ATG2A: variants seen among roughly 807,000 people sequenced by gnomAD.
ATG2A encodes the protein autophagy related 2A, also known as autophagy-related protein 2 homolog A.
A neutral mutation model predicts 214.2 loss-of-function variants in ATG2A; 103 were observed. The ratio of observed to expected loss-of-function variants is 0.48; its 90% CI spans 0.41 to 0.57. The LOEUF (loss-of-function observed/expected upper bound fraction) is 0.57. ATG2A is among the 20% of genes least tolerant of loss of function. ATG2A has a pLI of 0.00. For synonymous variants in ATG2A, 1,160 were observed against 1,142.1 expected (o/e 1.02, Z -0.32); for missense variants, 2,312 against 2,613.2 (o/e 0.88, Z 2.51).
Position 64,906,193 on chromosome 11 carries a change from C to T in ATG2A, c.3184G>A (p.Glu1062Lys). Residue 1062 changes from glutamate (E) to lysine (K), a missense_variant and splice_region_variant, in exon 22 of 41, where the codon GAG becomes AAG. Coordinates refer to ENST00000377264, the MANE Select transcript of ATG2A (RefSeq NM_015104.3). ...TGCAACCGCAGTGTCACCAGGAACT[C>T]CTGAGGGTGGGGGCGCAGTCAGGGC... Reference protein sequence around the residue: ...IHLDPHKNVKEFLVTLRLHKA... With the variant: ...IHLDPHKNVKKFLVTLRLHKA... 19 of 1,611,006 alleles carry T rather than the reference C, an allele frequency of 1.2e-5. No individual in the cohort carries two copies. The highest frequency in any genetic ancestry group is 2.7e-5 in the African/African-American group (2 of 75,008).
chr11:64,899,423 C>A (rs57983247), intron 31 of ATG2A, among the ~76,000 whole-genome samples: 5,629 of 152,202 alleles, frequency 0.037, 327 homozygotes, highest in African/African-American at 0.13. Flanking sequence ...CTCAGAGAGG[C>A]CCCTGGCCCC....
intron 30 of ATG2A, 59 bp downstream of exon 30, chr11:64,900,825 C>T (rs1033418109): frequency 2.6e-5 from 39 of 1,519,620 alleles, no homozygotes; most frequent in Non-Finnish European, 3.4e-5. Context: ...GAAAGTCAGA[C>T]CTGGACCAGC....
rs1437334885 is a variant in ATG2A at position 64,917,052 on chromosome 11, G to A, written c.84C>T (p.Phe28=). The change falls in exon 1 of 41, where the codon TTC becomes TTT. Residue 28 remains phenylalanine, a synonymous_variant. Coordinates refer to ENST00000377264, the MANE Select transcript of ATG2A (RefSeq NM_015104.3). ...RYLLHHYLGH[F]FQEHLSLDQL... The stretch of plus-strand genomic sequence containing the variant: ...GGTCCAGGCTGAGGTGCTCTTGGAA[G>A]AAGTGACCTAAGTAGTGGTGCAGCA... The A allele has an allele frequency of 6.2e-7, 1 of 1,613,826 alleles. No individual in the cohort carries two copies. The highest frequency in any genetic ancestry group is 1.3e-5 in the African/African-American group (1 of 75,082).
rs747149594 is a variant in ATG2A at position 64,909,822 on chromosome 11, G to A, written c.1966C>T (p.Pro656Ser). ...ACGGCCTGGCCCGCCCAGGGGTCCG[G>A]CTCAGGCCGCAGGTCGGCAATGGGG... ...RFPIADLRPEPDPWAGQAVRA... is the reference protein window; with the variant it reads ...RFPIADLRPESDPWAGQAVRA... Residue 656 changes from proline (P) to serine (S), a missense_variant, in exon 14 of 41, where the codon CCG becomes TCG. By Grantham distance (74) the Pro-to-Ser change is moderately conservative. Coordinates refer to ENST00000377264, the MANE Select transcript of ATG2A (RefSeq NM_015104.3). 35 of 1,610,794 alleles carry A rather than the reference G, an allele frequency of 2.2e-5. No homozygotes were observed. The East Asian group carries it at 4.9e-4, about 23-fold the overall frequency.
In ATG2A at chr11:64,906,322, G is replaced by T; in HGVS notation, c.3183+12C>A. On this transcript the variant is annotated intron_variant, in intron 21 of 40. Coordinates refer to ENST00000377264, the MANE Select transcript of ATG2A (RefSeq NM_015104.3). ...GGCTAGCAGGAGGGGTGGATGGTAG[G>T]CAAGCCCATACCTTCACATTCTTGT... 1 of 1,612,120 alleles carries T rather than the reference G, an allele frequency of 6.2e-7. No individual in the cohort carries two copies. The highest frequency in any genetic ancestry group is 1.3e-5 in the African/African-American group (1 of 75,016).
At chr11:64,911,404 T>TTGGTCAGGCAGGGGTG (rs1944769354) in intron 9 of ATG2A, 129 bp from the exon 10 acceptor site, 1 of 941,306 alleles carries the variant, frequency 1.1e-6, no homozygotes. Flanking sequence ...GGCAGAAGGC[T>TTGGTCAGGCAGGGGTG]TGGTCAGGCA....
At chr11:64,902,708 T>C (rs1944400668) in intron 26 of ATG2A, 28 bp from the exon 27 acceptor site, 3 of 1,596,644 alleles carry the variant, frequency 1.9e-6, no homozygotes, top group Non-Finnish European at 2.6e-6. Context: ...GGGGAGCAGC[T>C]ATGTGAACAC....
Position 64,917,193 on chromosome 11 carries a change from C to T in ATG2A, c.-58G>A, listed in dbSNP as rs920930930. ...TTGCCGCCCGCCGGCGATCCCCGTCCGGCTCCGCTGTTCACTAGAGCCCCC... is the reference window on the plus strand; with the variant it reads ...TTGCCGCCCGCCGGCGATCCCCGTCTGGCTCCGCTGTTCACTAGAGCCCCC... On this transcript the variant is annotated 5_prime_UTR_variant, in exon 1 of 41. Coordinates refer to ENST00000377264, the MANE Select transcript of ATG2A (RefSeq NM_015104.3). The T allele has an allele frequency of 5.2e-6, 8 of 1,528,984 alleles. No homozygotes were observed. In the South Asian group the frequency reaches 8.6e-5, roughly 16 times the overall value. 94.7% of individuals were successfully genotyped at this position (1,528,984 alleles called of 1,614,324 possible).
chr11:64,906,072 A>G, intron 22 of ATG2A, 41 bp downstream of exon 22: 1 of 1,544,810 alleles, frequency 6.5e-7, no homozygotes. Flanking sequence ...ACAGAAGTCC[A>G]GAGTCACTGG....
At chr11:64,912,727 G>A in intron 6 of ATG2A, 1 of 446,500 alleles carries the variant, frequency 2.2e-6, no homozygotes, top group Non-Finnish European at 4.0e-6. Context: ...CCAAGAAGCT[G>A]GGATTACAGG....
At position 64,898,388 on chromosome 11, in the gene ATG2A, C is replaced by T. The variant is rs1383198189; in HGVS notation, c.4672-26G>A. On this transcript the variant is annotated intron_variant, in intron 32 of 40. Transcript: ENST00000377264. This position sits in a 1 kb window ranked among gnomAD's most constrained non-coding sequence, Gnocchi z 4.5. Reference sequence around the variant, plus strand: ...CTGGGAGCAGAGGGTGAGTTCTGGACACCTGCTGGGCCTCTGGGGCAGCAG... The same window carrying T: ...CTGGGAGCAGAGGGTGAGTTCTGGATACCTGCTGGGCCTCTGGGGCAGCAG... 6.4e-7 allele frequency: 1 copy of T among 1,556,288 alleles called. No homozygotes were observed. The highest frequency in any genetic ancestry group is 8.7e-7 in the Non-Finnish European group (1 of 1,151,480).
rs767515356 is a variant in ATG2A at position 64,913,865 on chromosome 11, C to G, written c.546G>C (p.Pro182=). ...LDTVVRVEHS[P]GDGERGVAVE... is the part of the protein sequence containing the mutation. ...CGGCCACACCACGTTCCCCATCACC[C>G]GGAGAGTGCTCCACCCTCACGACAG... The change falls in exon 4 of 41, where the codon CCG becomes CCC. Residue 182 remains proline, a synonymous_variant. Coordinates refer to ENST00000377264, the MANE Select transcript of ATG2A (RefSeq NM_015104.3). The surrounding 1 kb of genome is among the most constrained non-coding windows in gnomAD (Gnocchi z 4.3). 5 of 1,613,980 alleles carry G rather than the reference C, an allele frequency of 3.1e-6. No homozygotes were observed. Among genetic ancestry groups the G allele is most frequent in the Non-Finnish European group, 4.2e-6 (5 of 1,180,002 alleles).
At position 64,913,136 on chromosome 11, in the gene ATG2A, C is replaced by T. The variant is rs1246760460; in HGVS notation, c.727G>A (p.Glu243Lys). The change falls in exon 6 of 41, where the codon GAA (glutamate) becomes AAA (lysine). Residue 243 changes from glutamate (E) to lysine (K), a missense_variant and splice_region_variant. Coordinates refer to ENST00000377264, the MANE Select transcript of ATG2A (RefSeq NM_015104.3). The surrounding 1 kb of genome is among the most constrained non-coding windows in gnomAD (Gnocchi z 4.3). ...TGCAAGGGGGGCTCTGGAGGCTCTT[C>T]CTGGGAGACGGGAGGATACAAGAGG... ...RLHYEELPAQ[E>K]EPPEPPLQIG... is the part of the protein sequence containing the mutation. 1 of 1,583,596 alleles carries T rather than the reference C, an allele frequency of 6.3e-7. No individual in the cohort carries two copies. Among genetic ancestry groups the T allele is most frequent in the East Asian group, 2.3e-5 (1 of 43,980 alleles).
At position 64,898,125 on chromosome 11, in the gene ATG2A, C is replaced by T. The variant is rs772069729; in HGVS notation, c.4819G>A (p.Gly1607Ser). ...TCCCCTGGGACCACGGGGTTGATGC[C>T]GGCCACCAGACTAGTGAAGAAGTCC... The part of the protein sequence containing the change: ...LKDFFTSLVA[G>S]INPVVPGETS... The change falls in exon 34 of 41, where the codon GGC becomes AGC. Residue 1607 changes from glycine to serine, a missense_variant. Coordinates refer to ENST00000377264, the MANE Select transcript of ATG2A (RefSeq NM_015104.3). The surrounding 1 kb of genome is among the most constrained non-coding windows in gnomAD (Gnocchi z 4.5). 37 of 1,613,960 alleles carry T rather than the reference C, an allele frequency of 2.3e-5. No individual in the cohort carries two copies. The Middle Eastern group carries it at 6.6e-4, about 29-fold the overall frequency.
chr11:64,910,761 C>G (rs765323211), intron 11 of ATG2A, 46 bp downstream of exon 11: 10 of 1,610,362 alleles, frequency 6.2e-6, no homozygotes. Context: ...CACAGCCACC[C>G]AAACCTCCAG....
intron 16 of ATG2A, among the ~76,000 whole-genome samples, chr11:64,908,705 C>G (rs1944648115): frequency 6.6e-6 from 1 of 152,208 alleles, no homozygotes; most frequent in African/African-American, 2.4e-5. Flanking sequence ...AACTGCCTTT[C>G]TAAGTGTACA....
At position 64,903,412 on chromosome 11, in the gene ATG2A, C is replaced by A; in HGVS notation, c.3536-48G>T. 6.2e-7 allele frequency: 1 copy of A among 1,602,570 alleles called. No homozygotes were observed. Among genetic ancestry groups the A allele is most frequent in the Non-Finnish European group, 8.5e-7 (1 of 1,170,998 alleles). ...GTCCTGTGGCCCCCTTCCACCCGGC[C>A]CCGGCCCCAGCACCTGGGGGAAGGA... On this transcript the variant is annotated intron_variant, in intron 25 of 40. Transcript: ENST00000377264. This position sits in a 1 kb window ranked among gnomAD's most constrained non-coding sequence, Gnocchi z 4.2.
chr11:64,906,476 G>T lies in ATG2A; in HGVS notation c.3041C>A (p.Pro1014Gln). The T allele has an allele frequency of 6.2e-7, 1 of 1,613,302 alleles. No homozygotes were observed. Among genetic ancestry groups the T allele is most frequent in the Non-Finnish European group, 8.5e-7 (1 of 1,179,990 alleles). Residue 1014 changes from proline to glutamine, a missense_variant, in exon 21 of 41, where the codon CCG becomes CAG. By Grantham distance (76) the Pro-to-Gln change is moderately conservative. Coordinates refer to ENST00000377264, the MANE Select transcript of ATG2A (RefSeq NM_015104.3). The part of the protein sequence containing the change: ...SHLDLPSFAP[P>Q]AQLAPTIYPS... ...GTAGATGGTTGGGGCCAGCTGAGCC[G>T]GGGGAGCGAAACTGGGAAGGTCCAG...
Position 64,917,113 on chromosome 11 carries a change from C to G in ATG2A, c.23G>C (p.Trp8Ser), listed in dbSNP as rs747789103. The change falls in exon 1 of 41, where the codon TGG becomes TCG. Residue 8 changes from tryptophan (W) to serine (S), a missense_variant. Transcript: ENST00000377264. MSRWLWP[W>S]SNCVKERVCR... ...GACCCGCTCTTTCACACAGTTTGACCATGGCCACAGCCATCGTGACATCTC... is the reference window on the plus strand; with the variant it reads ...GACCCGCTCTTTCACACAGTTTGACGATGGCCACAGCCATCGTGACATCTC... 4.3e-6 allele frequency: 7 copies of G among 1,611,214 alleles called. No homozygotes were observed. The highest frequency in any genetic ancestry group is 5.9e-6 in the Non-Finnish European group (7 of 1,179,300).
Sources: allele counts gnomAD v4.1 joint callset (sites outside exome capture counted in the v4.1 genomes callset), GRCh38; gene constraint gnomAD v4.1.1; non-coding constraint Gnocchi (gnomAD v3.1); transcripts MANE v1.5; gene names NCBI Gene and HGNC (gene_info 2026-07-23, HGNC 2026-07-21).